Variants in PGCKA1 observed in about 807,000 individuals in gnomAD.
PGCKA1 encodes PDCD10 and GCKIII kinases-associated protein 1.
chr4:37,463,150 G>T, the PGCKA1 span, among the ~76,000 whole-genome samples: 1 of 152,010 alleles, frequency 6.6e-6, no homozygotes, highest in Non-Finnish European at 1.5e-5. Context: ...TAACCTTCCT[G>T]TCCTGTGCTT....
At chr4:37,483,950 T>C in the PGCKA1 span, among the ~76,000 whole-genome samples, 3 of 152,216 alleles carry the variant, frequency 2.0e-5, no homozygotes, top group African/African-American at 2.4e-5. Flanking sequence ...TTTCTTTTCC[T>C]GGGAGGATGG....
At chr4:37,555,738 T>C in the PGCKA1 span, among the ~76,000 whole-genome samples, 69,995 of 151,966 alleles carry the variant, frequency 0.46, 16,430 homozygotes, top group African/African-American at 0.53. Flanking sequence ...CTGTTCTCTT[T>C]ATCTGAGGCA....
the PGCKA1 span, among the ~76,000 whole-genome samples, chr4:37,468,860 G>T: frequency 5.3e-5 from 8 of 152,026 alleles, no homozygotes; most frequent in Admixed American, 3.3e-4. Flanking sequence ...AAGTATCCAT[G>T]TAATGCATTT....
the PGCKA1 span, among the ~76,000 whole-genome samples, chr4:37,464,405 GATTT>G: frequency 6.6e-6 from 1 of 152,104 alleles, no homozygotes; most frequent in Non-Finnish European, 1.5e-5. Context: ...ACTACTCCTG[GATTT>G]CAGTTTTCTC....
chr4:37,523,729 T>C, the PGCKA1 span, among the ~76,000 whole-genome samples: 1 of 152,200 alleles, frequency 6.6e-6, no homozygotes. Context: ...CAAGTTACCA[T>C]AGACTAGGTG....
the PGCKA1 span, among the ~76,000 whole-genome samples, chr4:37,486,545 A>C: frequency 1.3e-5 from 2 of 152,228 alleles, no homozygotes; most frequent in Non-Finnish European, 2.9e-5. Context: ...GAGAAAAGAA[A>C]GGCACAAAAG....
At chr4:37,516,255 G>A in the PGCKA1 span, among the ~76,000 whole-genome samples, 2 of 152,316 alleles carry the variant, frequency 1.3e-5, no homozygotes, top group African/African-American at 2.4e-5. Context: ...TCACCTGAGA[G>A]CTTGTAGAAA....
the PGCKA1 span, among the ~76,000 whole-genome samples, chr4:37,489,034 G>A: frequency 2.0e-5 from 3 of 152,150 alleles, no homozygotes; most frequent in African/African-American, 4.8e-5. Context: ...GGCCACCTGT[G>A]ATAATTGAGT....
the PGCKA1 span, among the ~76,000 whole-genome samples, chr4:37,549,871 GAAGCT>G: frequency 6.6e-6 from 1 of 152,160 alleles, no homozygotes; most frequent in Admixed American, 6.5e-5. Context: ...GTCACACCCA[GAAGCT>G]GACTGGTCCA....
chr4:37,544,385 C>A, the PGCKA1 span, among the ~76,000 whole-genome samples: 2 of 152,068 alleles, frequency 1.3e-5, no homozygotes, highest in African/African-American at 4.8e-5. Context: ...AAACTCATGT[C>A]CTTCAATTAC....
At chr4:37,590,970 T>C in the PGCKA1 span, 3 of 1,613,184 alleles carry the variant, frequency 1.9e-6, no homozygotes, top group Non-Finnish European at 1.7e-6. Flanking sequence ...AAGCTGCTAC[T>C]GCAGGAGAAG....
At chr4:37,479,468 A>G in the PGCKA1 span, among the ~76,000 whole-genome samples, 2 of 152,150 alleles carry the variant, frequency 1.3e-5, no homozygotes, top group African/African-American at 4.8e-5. Context: ...TTTTTAGTCT[A>G]GAAGAGTTAG....
the PGCKA1 span, among the ~76,000 whole-genome samples, chr4:37,495,305 C>T: frequency 6.6e-6 from 1 of 152,098 alleles, no homozygotes; most frequent in Non-Finnish European, 1.5e-5. Flanking sequence ...TTAGTTCAGC[C>T]ATTGTAGAAG....
At chr4:37,586,490 A>G in the PGCKA1 span, among the ~76,000 whole-genome samples, 1 of 152,198 alleles carries the variant, frequency 6.6e-6, no homozygotes, top group Non-Finnish European at 1.5e-5. Flanking sequence ...ACTCTTCTAC[A>G]TTCCATGAGT....
the PGCKA1 span, among the ~76,000 whole-genome samples, chr4:37,487,783 T>C: frequency 3.5e-3 from 525 of 150,414 alleles, 7 homozygotes; most frequent in African/African-American, 0.012. Flanking sequence ...TATATACATA[T>C]GTCCTCCTTT....
the PGCKA1 span, among the ~76,000 whole-genome samples, chr4:37,522,503 A>G: frequency 6.6e-6 from 1 of 152,094 alleles, no homozygotes; most frequent in Non-Finnish European, 1.5e-5. Context: ...CCCGCACAGG[A>G]TCAGAAATGC....
chr4:37,487,481 C>T, the PGCKA1 span, among the ~76,000 whole-genome samples: 1 of 152,120 alleles, frequency 6.6e-6, no homozygotes, highest in Non-Finnish European at 1.5e-5. Flanking sequence ...TTATGGTTAT[C>T]TTCTTTCCCT....
the PGCKA1 span, among the ~76,000 whole-genome samples, chr4:37,505,181 A>C: frequency 6.6e-6 from 1 of 152,196 alleles, no homozygotes; most frequent in Non-Finnish European, 1.5e-5. Flanking sequence ...AAATGATTAC[A>C]TCTGTCCTTC....
At chr4:37,499,478 A>G in the PGCKA1 span, among the ~76,000 whole-genome samples, 4 of 152,096 alleles carry the variant, frequency 2.6e-5, no homozygotes, top group South Asian at 6.2e-4. Flanking sequence ...TTCTGATTCA[A>G]TTTTGGAGCT....
Sources: gnomAD v4.1 joint callset for allele counts (sites outside exome capture counted in the v4.1 genomes callset) on GRCh38, gnomAD v4.1.1 for gene constraint, MANE v1.5 for transcripts, NCBI Gene and HGNC (gene_info 2026-07-23, HGNC 2026-07-21) for gene names.